Variants in PLAGL1 observed in about 807,000 individuals in gnomAD.
The protein encoded by PLAGL1 is PLAG1 like zinc finger 1.
Under a neutral mutation model 4.6 loss-of-function variants are expected in PLAGL1, and 1 was observed. The ratio of observed to expected loss-of-function variants is 0.22; its 90% confidence interval spans 0.08 to 1.03. The LOEUF is 1.03. PLAGL1 is among the 50% of genes least tolerant of loss of function. The pLI is 0.58. For synonymous variants in PLAGL1, 240 were observed against 237.8 expected (o/e 1.01, Z -0.08); for missense variants, 464 against 570.4 (o/e 0.81, Z 1.90).
chr6:144,026,022 C>A, intron 1 of PLAGL1, among the ~76,000 whole-genome samples: 1 of 152,176 alleles, frequency 6.6e-6, no homozygotes. Flanking sequence ...TGGACAAAAT[C>A]TACCTCTAAA....
At chr6:144,028,637 C>T (rs113982112) in intron 1 of PLAGL1, among the ~76,000 whole-genome samples, 3 of 152,098 alleles carry the variant, frequency 2.0e-5, no homozygotes, top group African/African-American at 4.8e-5. Flanking sequence ...TCCTGATATC[C>T]GTCTATAAAA....
At chr6:144,033,208 A>G (rs1796961625) in intron 1 of PLAGL1, among the ~76,000 whole-genome samples, 1 of 152,244 alleles carries the variant, frequency 6.6e-6, no homozygotes, top group African/African-American at 2.4e-5. Flanking sequence ...TGTAATTGCT[A>G]AAGCCTGGAA....
chr6:143,993,474 T>C (rs1021470193), intron 1 of PLAGL1, among the ~76,000 whole-genome samples: 2 of 151,108 alleles, frequency 1.3e-5, no homozygotes, highest in Non-Finnish European at 2.9e-5. Context: ...TGAAAGGGAG[T>C]GAGGAGACGG....
intron 1 of PLAGL1, among the ~76,000 whole-genome samples, chr6:143,993,296 T>A (rs1482358337): frequency 1.3e-5 from 2 of 148,668 alleles, no homozygotes; most frequent in East Asian, 4.0e-4. Flanking sequence ...AGAGCTAGAC[T>A]CTGTCTGAAA....
intron 1 of PLAGL1, among the ~76,000 whole-genome samples, chr6:144,045,352 T>C (rs905247464): frequency 1.3e-5 from 2 of 152,230 alleles, no homozygotes; most frequent in African/African-American, 4.8e-5. Flanking sequence ...TAGTGCTTCC[T>C]TCAGGAGCTC....
rs1468302037 is a variant in PLAGL1 at position 143,954,123 on chromosome 6, C to A, written c.-324-5663G>T. Among the ~76,000 whole-genome samples, 1 of 152,072 alleles carries A rather than the reference C, an allele frequency of 6.6e-6. No homozygotes were observed. Among genetic ancestry groups the A allele is most frequent in the Non-Finnish European group, 1.5e-5 (1 of 68,006 alleles). ...ACCATAAGGACAAAGGGGGTTTCCT[C>A]CAGGGGTCGCCACCTTACCCTATAC... On this transcript the variant is annotated intron_variant, in intron 6 of 7. Transcript: ENST00000674357. The surrounding 1 kb of genome is among the most constrained non-coding windows in gnomAD (Gnocchi z 5.1).
intron 2 of PLAGL1, among the ~76,000 whole-genome samples, chr6:143,976,546 A>G (rs997193084): frequency 2.0e-5 from 3 of 152,116 alleles, no homozygotes; most frequent in Non-Finnish European, 2.9e-5. Context: ...ATTACCTACT[A>G]TACAACACAT....
Position 144,040,509 on chromosome 6 carries a change from A to G in PLAGL1, c.-151+23959T>C, listed in dbSNP as rs1797645833. ...ACACCACTACACTCTAGCCTGGGTG[A>G]CAGAGGGAGACTCAGTCTCAAAAAA... On this transcript the variant is annotated intron_variant, in intron 1 of 3. Transcript: ENST00000437412. Among the ~76,000 whole-genome samples the G allele has an allele frequency of 3.3e-5, 5 of 152,076 alleles. No individual in the cohort carries two copies. The South Asian group carries it at 1.0e-3, about 31-fold the overall frequency.
At position 143,957,781 on chromosome 6, in the gene PLAGL1, C is replaced by G. The variant is rs1450492365; in HGVS notation, c.-325+2688G>C. Among the ~76,000 whole-genome samples the G allele has an allele frequency of 6.6e-6, 1 of 152,150 alleles. No individual in the cohort carries two copies. Among genetic ancestry groups the G allele is most frequent in the Non-Finnish European group, 1.5e-5 (1 of 68,028 alleles). Reference sequence around the variant, plus strand: ...AAAGGATGCTCAAGACTTGGGTGGACTGTTTGATCCTAAAATAACATATCA... The same window carrying G: ...AAAGGATGCTCAAGACTTGGGTGGAGTGTTTGATCCTAAAATAACATATCA... On this transcript the variant is annotated intron_variant, in intron 6 of 7. Coordinates refer to ENST00000674357, the MANE Select transcript of PLAGL1 (RefSeq NM_001317162.2). The surrounding 1 kb of genome is among the most constrained non-coding windows in gnomAD (Gnocchi z 4.2).
intron 1 of PLAGL1, among the ~76,000 whole-genome samples, chr6:143,993,331 AACACACACACACACAC>A (rs746624620): frequency 1.4e-5 from 2 of 142,336 alleles, no homozygotes; most frequent in Non-Finnish European, 3.0e-5. Flanking sequence ...AACAAAACAA[AACACACACACACACAC>A]ACACACACAC....
chr6:143,971,829 G>A lies in PLAGL1; in HGVS notation c.-543-2851C>T, dbSNP rs1480371490. On this transcript the variant is annotated intron_variant, in intron 2 of 7. Transcript: ENST00000674357. This position sits in a 1 kb window ranked among gnomAD's most constrained non-coding sequence, Gnocchi z 4.7. ...CATCTCAATCACTAAATTCGGTCAA[G>A]TAAAAGTCTACAAAATTCTAAATGA... Among the ~76,000 whole-genome samples the A allele has an allele frequency of 6.6e-6, 1 of 152,198 alleles. No homozygotes were observed. Among genetic ancestry groups the A allele is most frequent in the Non-Finnish European group, 1.5e-5 (1 of 68,040 alleles).
rs111598351 is a variant in PLAGL1, at chr6:144,032,121, A to ATT, written c.-151+32345_-151+32346dup. ...CAAGTTTCTCCCTATAACTTATTGC[A>ATT]TTTTTTTTTTTTTGAGACAGAGTAT... On this transcript the variant is annotated intron_variant, in intron 1 of 3. Coordinates refer to the PLAGL1 transcript ENST00000437412. Among the ~76,000 whole-genome samples the ATT allele has an allele frequency of 0.01, 1,478 of 142,350 alleles. 72 individuals carry two copies. The East Asian group carries it at 0.15, about 14-fold the overall frequency. 93.4% of individuals were successfully genotyped at this position (142,350 alleles called of 152,430 possible). A position where few individuals can be genotyped will look rare whatever the true frequency, so the allele number is the denominator to read the frequency against.
Position 143,968,355 on chromosome 6 carries a change from C to T in PLAGL1, c.-472+552G>A, listed in dbSNP as rs1784823191. On this transcript the variant is annotated intron_variant, in intron 3 of 7. Coordinates refer to ENST00000674357, the MANE Select transcript of PLAGL1 (RefSeq NM_001317162.2). The surrounding 1 kb of genome is among the most constrained non-coding windows in gnomAD (Gnocchi z 6.3). ...TCACAACTCTAGAAAATTTGGCAAG[C>T]TGAGAATCATCTCATATTATGATTT... The T allele has an allele frequency of 6.6e-6, 1 of 152,084 alleles. No homozygotes were observed. The highest frequency in any genetic ancestry group is 6.5e-5 in the Admixed American group (1 of 15,272). 9.4% of individuals were successfully genotyped at this position (152,084 alleles called of 1,614,324 possible). A position where few individuals can be genotyped will look rare whatever the true frequency, so the allele number is the denominator to read the frequency against.
intron 7 of PLAGL1, among the ~76,000 whole-genome samples, chr6:143,944,550 A>T (rs73004490): frequency 0.024 from 3,703 of 152,262 alleles, 63 homozygotes; most frequent in Non-Finnish European, 0.037. Context: ...CATGATGGGT[A>T]CCGTAAGGCA....
rs1795536050 is a variant in PLAGL1 at position 144,015,968 on chromosome 6, T to G, written c.-150-46990A>C. On this transcript the variant is annotated intron_variant, in intron 1 of 3. Transcript: ENST00000437412. This position sits in a 1 kb window ranked among gnomAD's most constrained non-coding sequence, Gnocchi z 4.3. ...CTCCAAACTGAAAACAACTCAAATATCAGTAATAAAATGGGCAAACTGCTG... is the reference window on the plus strand; with the variant it reads ...CTCCAAACTGAAAACAACTCAAATAGCAGTAATAAAATGGGCAAACTGCTG... 6.6e-6 allele frequency among the ~76,000 whole-genome samples: 1 copy of G among 152,014 alleles called. No individual in the cohort carries two copies. Among genetic ancestry groups the G allele is most frequent in the East Asian group, 1.9e-4 (1 of 5,194 alleles).
chr6:143,947,011 A>T lies in PLAGL1; in HGVS notation c.152+974T>A, dbSNP rs1223871492. 6.6e-6 allele frequency among the ~76,000 whole-genome samples: 1 copy of T among 152,198 alleles called. No individual in the cohort carries two copies. The highest frequency in any genetic ancestry group is 1.5e-5 in the Non-Finnish European group (1 of 68,044). ...TCCACTGGCGGCAGAAACGATATCT[A>T]ATGTATTCATTTCCCTCATGGAAGT... is the stretch of plus-strand genomic sequence containing the variant. On this transcript the variant is annotated intron_variant, in intron 7 of 7. Transcript: ENST00000674357. The surrounding 1 kb of genome is among the most constrained non-coding windows in gnomAD (Gnocchi z 4.3).
At chr6:144,012,892 C>T (rs1795287103), upstream of PLAGL1, among the ~76,000 whole-genome samples, 1 of 152,228 alleles carries the variant, frequency 6.6e-6, no homozygotes, top group African/African-American at 2.4e-5. This position sits in a 1 kb window ranked among gnomAD's most constrained non-coding sequence, Gnocchi z 4.8. Flanking sequence ...GGCAGATGCT[C>T]AGCTCAGGCC....
rs2128728328 is a variant in PLAGL1, at chr6:144,056,047, T to C, written c.-151+8421A>G. On this transcript the variant is annotated intron_variant, in intron 1 of 3. Coordinates refer to the PLAGL1 transcript ENST00000437412. This position sits in a 1 kb window ranked among gnomAD's most constrained non-coding sequence, Gnocchi z 4.7. The stretch of plus-strand genomic sequence containing the variant: ...CAGAGAAGTTCAACATGGTAAAAGA[T>C]GACTCACTTTTCTTTCCCCTCATCC... 6.6e-6 allele frequency among the ~76,000 whole-genome samples: 1 copy of C among 152,238 alleles called. No individual in the cohort carries two copies. The highest frequency in any genetic ancestry group is 1.9e-4 in the East Asian group (1 of 5,180).
intron 1 of PLAGL1, chr6:144,007,845 G>A (rs1006948675): frequency 3.3e-5 from 5 of 152,158 alleles, no homozygotes; most frequent in African/African-American, 4.8e-5. Context: ...AGATAGGCGC[G>A]AACGCCTCTG....
Sources: allele counts gnomAD v4.1 joint callset (sites outside exome capture counted in the v4.1 genomes callset), GRCh38; gene constraint gnomAD v4.1.1; non-coding constraint Gnocchi (gnomAD v3.1); transcripts MANE v1.5; gene names NCBI Gene and HGNC (gene_info 2026-07-23, HGNC 2026-07-21).